The following RAB3GAP2 variants were observed in gnomAD, a reference collection of about 807,000 sequenced individuals.
RAB3GAP2 encodes RAB3 GTPase activating non-catalytic protein subunit 2.
Under a neutral mutation model 185.3 loss-of-function variants are expected in RAB3GAP2, and 87 were observed. The ratio of observed to expected loss-of-function variants is 0.47; its 90% CI spans 0.39 to 0.56. The LOEUF is 0.56. Among genes scored for constraint, RAB3GAP2 ranks in the 20% least tolerant of loss-of-function variants. The probability of loss-of-function intolerance (pLI) is 0.00; values close to 1 mark genes in which losing one functional copy is unlikely to be tolerated. For synonymous variants in RAB3GAP2, 554 were observed against 576.1 expected, an observed-to-expected ratio of 0.96 and a Z score of 0.55; for missense variants, 1,492 against 1,638.2, an observed-to-expected ratio of 0.91 and a Z score of 1.54.
chr1:220,251,819 G>C (rs2102523288), intron 1 of RAB3GAP2, among the ~76,000 whole-genome samples: 1 of 152,280 alleles, frequency 6.6e-6, no homozygotes, highest in Non-Finnish European at 1.5e-5. Context: ...ATTAAATAGA[G>C]CCTAGTGGAG....
intron 1 of RAB3GAP2, chr1:220,267,987 T>C (rs1196418876): frequency 1.7e-6 from 1 of 575,612 alleles, no homozygotes; most frequent in Non-Finnish European, 3.1e-6. Context: ...AACCAACTGA[T>C]ACACCTCTAT....
chr1:220,167,816 A>T, intron 24 of RAB3GAP2, 141 bp from the exon 25 acceptor site: 1 of 910,442 alleles, frequency 1.1e-6, no homozygotes, highest in Non-Finnish European at 1.7e-6. Context: ...AAGCCATGAG[A>T]TTTACAGCAG....
At chr1:220,249,963 A>G (rs1341308882) in intron 1 of RAB3GAP2, among the ~76,000 whole-genome samples, 1 of 152,174 alleles carries the variant, frequency 6.6e-6, no homozygotes, top group Non-Finnish European at 1.5e-5. Flanking sequence ...CAGGGGCAGA[A>G]CCCTAATGGA....
At chr1:220,252,667 C>A (rs543893622) in intron 1 of RAB3GAP2, among the ~76,000 whole-genome samples, 1 of 152,096 alleles carries the variant, frequency 6.6e-6, no homozygotes, top group Non-Finnish European at 1.5e-5. Context: ...TGGGAAACCA[C>A]ACTTCTCCCA....
At chr1:220,151,887 A>G in intron 33 of RAB3GAP2, 123 bp from the exon 34 acceptor site, 3 of 1,012,412 alleles carry the variant, frequency 3.0e-6, no homozygotes, top group Non-Finnish European at 2.9e-6. Flanking sequence ...TTATCTTTTG[A>G]TTGTATACAA....
intron 1 of RAB3GAP2, among the ~76,000 whole-genome samples, chr1:220,251,820 C>T (rs970648434): frequency 6.6e-6 from 1 of 152,046 alleles, no homozygotes; most frequent in African/African-American, 2.4e-5. Context: ...TTAAATAGAG[C>T]CTAGTGGAGT....
rs1051792703 is a variant in RAB3GAP2 at position 220,148,506 on chromosome 1, T to TATCA, written c.*2741_*2744dup. The TATCA allele has an allele frequency of 1.1e-4, 17 of 152,214 alleles. No homozygotes were observed. Among genetic ancestry groups the TATCA allele is most frequent in the Non-Finnish European group, 2.1e-4 (14 of 68,016 alleles). 9.4% of individuals were successfully genotyped at this position (152,214 alleles called of 1,614,324 possible). On this transcript the variant is annotated 3_prime_UTR_variant, in exon 35 of 35. Transcript: ENST00000358951. ...TCTAGACACCCAGCAAACCCATTCC[T>TATCA]ATCAGGGTGAGAGAGGGCTTTTGCT... is the stretch of plus-strand genomic sequence containing the variant.
chr1:220,198,295 C>T (rs966471443), intron 9 of RAB3GAP2, among the ~76,000 whole-genome samples: 2 of 152,164 alleles, frequency 1.3e-5, no homozygotes, highest in Admixed American at 1.3e-4. Context: ...AAAGTAAGAA[C>T]CACAAACAAA....
At chr1:220,259,241 T>G (rs1309922758) in intron 1 of RAB3GAP2, among the ~76,000 whole-genome samples, 4 of 152,156 alleles carry the variant, frequency 2.6e-5, no homozygotes, top group South Asian at 2.1e-4. Context: ...ATTTTAAAAT[T>G]CATATGGAAC....
At chr1:220,225,810 T>C (rs922397810) in intron 2 of RAB3GAP2, among the ~76,000 whole-genome samples, 1 of 152,218 alleles carries the variant, frequency 6.6e-6, no homozygotes, top group African/African-American at 2.4e-5. Flanking sequence ...CTCTGGTCAG[T>C]CTGATGCTCA....
At position 220,210,484 on chromosome 1, in the gene RAB3GAP2, A is replaced by G. The variant is rs568628754; in HGVS notation, c.516T>C (p.Gly172=). 3.1e-6 allele frequency: 5 copies of G among 1,613,036 alleles called. No individual in the cohort carries two copies. The highest frequency in any genetic ancestry group is 3.3e-5 in the Admixed American group (2 of 60,018). ...TCAAAAGCTGTGCAAGCAAGAGCAC[A>G]CCATTCTAGGAGGAAGCACAGAGAA... ...SGYVRFYTEN[G]VLLLAQLLNE... is the part of the protein sequence containing the mutation. The change falls in exon 7 of 35, where the codon GGT becomes GGC. Residue 172 remains glycine, a synonymous_variant. Coordinates refer to ENST00000358951, the MANE Select transcript of RAB3GAP2 (RefSeq NM_012414.4).
intron 4 of RAB3GAP2, chr1:220,211,459 G>C (rs535436958): frequency 2.9e-5 from 13 of 446,798 alleles, no homozygotes; most frequent in Non-Finnish European, 5.4e-5. Context: ...CATGCAAACT[G>C]TATTTCTGCA....
intron 9 of RAB3GAP2, chr1:220,200,460 A>T (rs1658828013): frequency 2.4e-6 from 1 of 420,058 alleles, no homozygotes; most frequent in Non-Finnish European, 4.9e-6. Flanking sequence ...ACAAATATTA[A>T]TAGGTACTCA....
chr1:220,236,673 A>AG (rs1007750428), intron 1 of RAB3GAP2, among the ~76,000 whole-genome samples: 2 of 151,566 alleles, frequency 1.3e-5, no homozygotes, highest in Non-Finnish European at 2.9e-5. Flanking sequence ...CACATTCTTT[A>AG]GAAAAAAAAA....
intron 1 of RAB3GAP2, among the ~76,000 whole-genome samples, chr1:220,252,786 C>A (rs568918157): frequency 1.4e-5 from 2 of 142,782 alleles, no homozygotes; most frequent in South Asian, 4.5e-4. Flanking sequence ...GGCAGAGCAG[C>A]CACTCAGGCA....
chr1:220,214,533 AAAAAAAAATGTCACAT>A (rs1266413783), intron 2 of RAB3GAP2, among the ~76,000 whole-genome samples: 1 of 152,108 alleles, frequency 6.6e-6, no homozygotes, highest in Non-Finnish European at 1.5e-5. Context: ...CTCAGGGAAA[AAAAAAAAATGTCACAT>A]AGGAATCACT....
chr1:220,248,279 C>T (rs1659857075), intron 1 of RAB3GAP2, among the ~76,000 whole-genome samples: 1 of 152,010 alleles, frequency 6.6e-6, no homozygotes, highest in African/African-American at 2.4e-5. Context: ...GTTATGAGGA[C>T]CTAATGTACA....
Position 220,191,277 on chromosome 1 carries a change from G to C in RAB3GAP2, c.1278C>G (p.Arg426=), listed in dbSNP as rs776143902. 1 of 1,596,844 alleles carries C rather than the reference G, an allele frequency of 6.3e-7. No individual in the cohort carries two copies. Among genetic ancestry groups the C allele is most frequent in the East Asian group, 2.3e-5 (1 of 43,824 alleles). Residue 426 remains arginine, a synonymous_variant, in exon 14 of 35, where the codon CGC becomes CGG. Transcript: ENST00000358951. ...GIAIRMWKGY[R]DAQIGWIQTV... is the part of the protein sequence containing the mutation. ...TTTGAATCCATCCAATTTGTGCGTC[G>C]CGGTACCCTTAGAGACAGAGGTAAA... is the stretch of plus-strand genomic sequence containing the variant.
At chr1:220,199,385 C>A (rs984205629) in intron 9 of RAB3GAP2, among the ~76,000 whole-genome samples, 4 of 152,132 alleles carry the variant, frequency 2.6e-5, no homozygotes, top group Non-Finnish European at 4.4e-5. Context: ...AATATTTATT[C>A]TTAAGACTAT....
Sources: allele counts gnomAD v4.1 joint callset (sites outside exome capture counted in the v4.1 genomes callset), GRCh38; gene constraint gnomAD v4.1.1; transcripts MANE v1.5; gene names NCBI Gene and HGNC (gene_info 2026-07-23, HGNC 2026-07-21).